CIAO2A: variants seen among roughly 807,000 people sequenced by gnomAD.
CIAO2A encodes cytosolic iron-sulfur assembly component 2A.
Under a neutral mutation model 22.4 loss-of-function variants are expected in CIAO2A, and 17 were observed. The observed-to-expected ratio is 0.76, with a 90% CI of 0.52 to 1.14. The LOEUF (loss-of-function observed/expected upper bound fraction) is 1.14. CIAO2A is among the 50% of genes most tolerant of loss of function. The pLI is 0.00. For missense variants in CIAO2A, 192 were observed against 191.4 expected, an observed-to-expected ratio of 1.00 and a Z score of -0.02; for synonymous variants, 74 against 72.3, an observed-to-expected ratio of 1.02 and a Z score of -0.12.
chr15:64,083,682 C>G (rs1203403300), intron 2 of CIAO2A, among the ~76,000 whole-genome samples: 1 of 152,224 alleles, frequency 6.6e-6, no homozygotes, highest in Non-Finnish European at 1.5e-5. Flanking sequence ...GCAGCTCACA[C>G]TTGTAATCCC....
At chr15:64,076,383 C>A (rs186110850) in intron 3 of CIAO2A, among the ~76,000 whole-genome samples, 2 of 152,270 alleles carry the variant, frequency 1.3e-5, no homozygotes, top group East Asian at 3.9e-4. Context: ...AATGGGATCA[C>A]AATATAGTTT....
intron 4 of CIAO2A, chr15:64,074,199 G>A (rs1301614875): frequency 1.3e-5 from 2 of 152,196 alleles, no homozygotes; most frequent in Non-Finnish European, 2.9e-5. Context: ...GTTCAAAAGA[G>A]AGACGACTAT....
At chr15:64,075,461 G>C in intron 4 of CIAO2A, 31 bp downstream of exon 4, 2 of 1,437,666 alleles carry the variant, frequency 1.4e-6, no homozygotes, top group Non-Finnish European at 1.9e-6. Context: ...ATCTGAAGTT[G>C]TTTTTCAATT....
At chr15:64,081,218 A>G in intron 2 of CIAO2A, 67 bp from the exon 3 acceptor site, 1 of 1,487,874 alleles carries the variant, frequency 6.7e-7, no homozygotes, top group Non-Finnish European at 9.3e-7. Flanking sequence ...GAAAAAGCAT[A>G]CAACTGCGTT....
intron 3 of CIAO2A, 119 bp from the exon 4 acceptor site, chr15:64,075,656 T>TA: frequency 2.4e-6 from 1 of 418,870 alleles, no homozygotes; most frequent in Non-Finnish European, 4.1e-6. Context: ...CCTGTTTCTT[T>TA]TTTTTTTTTT....
At chr15:64,089,781 C>T (rs1174330481) in intron 1 of CIAO2A, among the ~76,000 whole-genome samples, 1 of 152,076 alleles carries the variant, frequency 6.6e-6, no homozygotes, top group Non-Finnish European at 1.5e-5. Context: ...AACACCAGGC[C>T]TAAAATAGTA....
chr15:64,088,890 T>C (rs373873752), intron 1 of CIAO2A, 39 bp from the exon 2 acceptor site: 82 of 1,563,198 alleles, frequency 5.2e-5, no homozygotes, highest in Non-Finnish European at 6.7e-5. Context: ...TATTAAAACA[T>C]GACTATTCTA....
chr15:64,084,248 T>C (rs2080777257), intron 2 of CIAO2A, among the ~76,000 whole-genome samples: 1 of 152,114 alleles, frequency 6.6e-6, no homozygotes, highest in Non-Finnish European at 1.5e-5. Flanking sequence ...GCTCCAGTGA[T>C]CCTCTCGCCT....
intron 1 of CIAO2A, among the ~76,000 whole-genome samples, chr15:64,093,333 C>G (rs1469103554): frequency 1.3e-5 from 2 of 152,110 alleles, no homozygotes; most frequent in Non-Finnish European, 2.9e-5. Context: ...TGTGGTCTCC[C>G]CACAAGTCTT....
At chr15:64,078,562 G>A (rs1270586418) in intron 3 of CIAO2A, among the ~76,000 whole-genome samples, 1 of 150,418 alleles carries the variant, frequency 6.6e-6, no homozygotes, top group East Asian at 2.0e-4. Context: ...CTTGAACCCA[G>A]GAGTCAGAGG....
chr15:64,090,873 G>A (rs933444116), intron 1 of CIAO2A, among the ~76,000 whole-genome samples: 35 of 152,098 alleles, frequency 2.3e-4, no homozygotes, highest in African/African-American at 1.9e-4. Flanking sequence ...TGGGAGGAGC[G>A]GAGACTGGTA....
intron 1 of CIAO2A, chr15:64,090,053 AAAC>A (rs1318288792): frequency 4.6e-5 from 7 of 152,416 alleles, no homozygotes; most frequent in Admixed American, 2.0e-4. Context: ...GTTTCAAAAC[AAAC>A]AACAAGGCCG....
chr15:64,081,022 G>C, intron 3 of CIAO2A, 80 bp downstream of exon 3: 1 of 1,348,848 alleles, frequency 7.4e-7, no homozygotes, highest in Non-Finnish European at 1.0e-6. Flanking sequence ...CTTTAAATAC[G>C]TGAATTGTGT....
intron 2 of CIAO2A, among the ~76,000 whole-genome samples, chr15:64,081,543 T>A (rs558838039): frequency 1.3e-5 from 2 of 150,018 alleles, no homozygotes; most frequent in East Asian, 3.9e-4. Flanking sequence ...GCCTTTTTTT[T>A]TTTTTTTTTT....
intron 1 of CIAO2A, 75 bp downstream of exon 1, chr15:64,093,570 G>A: frequency 4.7e-6 from 7 of 1,489,758 alleles, no homozygotes; most frequent in Non-Finnish European, 5.4e-6. Flanking sequence ...CCTCAGGTGA[G>A]GCCATCATCC....
At chr15:64,089,511 CA>C (rs35882853) in intron 1 of CIAO2A, among the ~76,000 whole-genome samples, 37,899 of 119,328 alleles carry the variant, frequency 0.32, 5,250 homozygotes, top group South Asian at 0.6. Context: ...GACCCTGTCT[CA>C]AAAAAAAAAA....
At chr15:64,085,360 T>C (rs574850169) in intron 2 of CIAO2A, among the ~76,000 whole-genome samples, 2 of 152,202 alleles carry the variant, frequency 1.3e-5, no homozygotes, top group Non-Finnish European at 1.5e-5. Context: ...TAGCCAGGCA[T>C]AGTGGCACCT....
At chr15:64,081,052 A>T in intron 3 of CIAO2A, 50 bp downstream of exon 3, 1 of 1,563,588 alleles carries the variant, frequency 6.4e-7, no homozygotes, top group Non-Finnish European at 8.8e-7. Flanking sequence ...ATTATATCTC[A>T]ACAAAGCTGT....
intron 1 of CIAO2A, among the ~76,000 whole-genome samples, chr15:64,089,213 A>G (rs572222865): frequency 1.3e-5 from 2 of 152,270 alleles, no homozygotes; most frequent in East Asian, 3.9e-4. Context: ...TAACATTTCA[A>G]TATTTGACAT....
Sources: allele counts gnomAD v4.1 joint callset (sites outside exome capture counted in the v4.1 genomes callset), GRCh38; gene constraint gnomAD v4.1.1; transcripts MANE v1.5; gene names NCBI Gene and HGNC (gene_info 2026-07-23, HGNC 2026-07-21).